Variants in PARD3 observed in about 807,000 individuals in gnomAD.
PARD3 encodes the protein par-3 family cell polarity regulator, also known as partitioning defective 3 homolog.
A neutral mutation model predicts 155.4 loss-of-function variants in PARD3; 75 were observed. That is an observed-to-expected ratio of 0.48 (90% CI 0.40 to 0.58). PARD3 has a LOEUF of 0.58. Among genes scored for constraint, PARD3 ranks in the 20% least tolerant of loss-of-function variants. The pLI is 0.00. For missense variants in PARD3, 1,642 were observed against 1,721.7 expected (o/e 0.95, Z 0.82); for synonymous variants, 576 against 610.5 (o/e 0.94, Z 0.83).
chr10:34,237,548 T>TATGTA (rs1303090727), intron 22 of PARD3, among the ~76,000 whole-genome samples: 1 of 152,170 alleles, frequency 6.6e-6, no homozygotes, highest in Non-Finnish European at 1.5e-5. Context: ...GAAATACTCA[T>TATGTA]ATGTAAATTT....
intron 2 of PARD3, among the ~76,000 whole-genome samples, chr10:34,587,902 C>A (rs1359281): frequency 3.9e-5 from 6 of 151,936 alleles, no homozygotes; most frequent in African/African-American, 1.5e-4. Flanking sequence ...TGGAATCACC[C>A]GTATACTCAC....
chr10:34,427,618 A>T (rs1383107912), intron 5 of PARD3, among the ~76,000 whole-genome samples: 1 of 152,150 alleles, frequency 6.6e-6, no homozygotes, highest in Non-Finnish European at 1.5e-5. Context: ...CCCTTAAAGC[A>T]TGTGATCTCT....
At chr10:34,205,640 C>T (rs143538464) in intron 22 of PARD3, among the ~76,000 whole-genome samples, 1 of 152,106 alleles carries the variant, frequency 6.6e-6, no homozygotes, top group East Asian at 1.9e-4. Flanking sequence ...GAGGGTGAAG[C>T]GATGTGTGTG....
intron 22 of PARD3, among the ~76,000 whole-genome samples, chr10:34,154,574 T>G (rs1233111161): frequency 6.6e-6 from 1 of 152,166 alleles, no homozygotes; most frequent in Non-Finnish European, 1.5e-5. Flanking sequence ...TAAAAGTAAT[T>G]CCAATTGCTG....
intron 2 of PARD3, among the ~76,000 whole-genome samples, chr10:34,526,374 C>T (rs1033307388): frequency 6.6e-6 from 1 of 152,206 alleles, no homozygotes; most frequent in Admixed American, 6.5e-5. Context: ...AGTCCCTACG[C>T]TGTAATAGTC....
intron 22 of PARD3, among the ~76,000 whole-genome samples, chr10:34,244,462 G>T (rs1953811014): frequency 1.3e-5 from 2 of 152,108 alleles, no homozygotes; most frequent in African/African-American, 4.8e-5. Flanking sequence ...GTTTCCTTTT[G>T]ATACCTGTTC....
At chr10:34,472,230 A>C (rs2078396574) in intron 3 of PARD3, among the ~76,000 whole-genome samples, 1 of 152,206 alleles carries the variant, frequency 6.6e-6, no homozygotes, top group African/African-American at 2.4e-5. Flanking sequence ...GAGAAACATA[A>C]ACATGAGGAT....
chr10:34,676,717 T>C (rs2133295347), intron 2 of PARD3, among the ~76,000 whole-genome samples: 2 of 152,282 alleles, frequency 1.3e-5, no homozygotes, highest in South Asian at 4.1e-4. Context: ...CCTACTTCTA[T>C]AAACAATATT....
chr10:34,231,759 G>A (rs1952946175), intron 22 of PARD3, among the ~76,000 whole-genome samples: 2 of 151,972 alleles, frequency 1.3e-5, no homozygotes, highest in South Asian at 4.1e-4. Context: ...AGGAACATAA[G>A]CACGCTCAGT....
chr10:34,224,094 G>A (rs867388089), intron 22 of PARD3, among the ~76,000 whole-genome samples: 3 of 152,214 alleles, frequency 2.0e-5, no homozygotes, highest in Admixed American at 1.3e-4. Flanking sequence ...CCTCAGGAGG[G>A]AGAAGTCGTC....
At chr10:34,184,909 G>A (rs1950420156) in intron 22 of PARD3, among the ~76,000 whole-genome samples, 6 of 152,148 alleles carry the variant, frequency 3.9e-5, no homozygotes, top group Admixed American at 3.9e-4. Flanking sequence ...ACCCTGGGAG[G>A]CCCTGGCCAA....
At position 34,385,300 on chromosome 10, in the gene PARD3, AT is replaced by A. The variant is rs572443840; in HGVS notation, c.891-1047del. Among the ~76,000 whole-genome samples, 452 of 151,790 alleles carry A rather than the reference AT, an allele frequency of 3.0e-3. 2 individuals carry two copies. The highest frequency in any genetic ancestry group is 0.011 in the African/African-American group (439 of 41,386). On this transcript the variant is annotated intron_variant, in intron 7 of 24. Transcript: ENST00000374788. ...AGGCATGCGCCACCATGCCCAGCTA[AT>A]TTTTTTGTATTTTTAGTAGAGCTGG... is the stretch of plus-strand genomic sequence containing the variant.
intron 22 of PARD3, among the ~76,000 whole-genome samples, chr10:34,177,710 A>C (rs1268122720): frequency 6.6e-6 from 1 of 152,186 alleles, no homozygotes; most frequent in Non-Finnish European, 1.5e-5. Flanking sequence ...AGTTCTCTTG[A>C]AAGGGCAGGA....
At chr10:34,587,842 G>A (rs1221916691) in intron 2 of PARD3, among the ~76,000 whole-genome samples, 1 of 152,164 alleles carries the variant, frequency 6.6e-6, no homozygotes, top group African/African-American at 2.4e-5. Flanking sequence ...TAAGTGCCCT[G>A]AGATAATTTC....
chr10:34,117,340 C>T (rs987394878), intron 24 of PARD3, among the ~76,000 whole-genome samples: 1 of 152,228 alleles, frequency 6.6e-6, no homozygotes, highest in African/African-American at 2.4e-5. Context: ...CCTGGCCCAC[C>T]CGTGTGGTCG....
chr10:34,643,300 T>C (rs2031335), intron 2 of PARD3, among the ~76,000 whole-genome samples: 38,476 of 152,152 alleles, frequency 0.25, 5,761 homozygotes, highest in East Asian at 0.41. Context: ...TGCGTCCTCA[T>C]TGCCTCAAGT....
At chr10:34,121,403 G>A (rs544944846) in intron 23 of PARD3, among the ~76,000 whole-genome samples, 5 of 152,192 alleles carry the variant, frequency 3.3e-5, no homozygotes, top group Admixed American at 1.3e-4. Flanking sequence ...GTTATGCAAC[G>A]TTGTGCAACA....
At chr10:34,673,380 A>T (rs913889652) in intron 2 of PARD3, among the ~76,000 whole-genome samples, 1 of 152,218 alleles carries the variant, frequency 6.6e-6, no homozygotes, top group African/African-American at 2.4e-5. Context: ...AGTTACATAA[A>T]GCTAAACTTA....
intron 2 of PARD3, among the ~76,000 whole-genome samples, chr10:34,646,891 T>C (rs1213830650): frequency 6.6e-6 from 1 of 152,200 alleles, no homozygotes; most frequent in Non-Finnish European, 1.5e-5. Context: ...GGTCTCCCTA[T>C]ATTGCCCAGG....
Sources: gnomAD v4.1 joint callset for allele counts (sites outside exome capture counted in the v4.1 genomes callset) on GRCh38, gnomAD v4.1.1 for gene constraint, MANE v1.5 for transcripts, NCBI Gene and HGNC (gene_info 2026-07-23, HGNC 2026-07-21) for gene names.